The following IFT57 variants were observed in gnomAD, a reference collection of about 807,000 sequenced individuals.
IFT57 encodes intraflagellar transport protein 57 homolog.
Under a neutral mutation model 56.8 loss-of-function variants are expected in IFT57, and 59 were observed. That is an observed-to-expected ratio of 1.04 (90% CI 0.84 to 1.29). The LOEUF (loss-of-function observed/expected upper bound fraction) is 1.29, where lower values mean the gene tolerates loss of function less well. Among genes scored for constraint, IFT57 ranks in the 50% most tolerant of loss-of-function variants. The pLI is 0.00. For synonymous variants in IFT57, 209 were observed against 186.1 expected, an observed-to-expected ratio of 1.12 and a Z score of -1.00; for missense variants, 470 against 522.1, an observed-to-expected ratio of 0.90 and a Z score of 0.97.
intron 6 of IFT57, among the ~76,000 whole-genome samples, chr3:108,174,879 T>C (rs1049803534): frequency 2.6e-5 from 4 of 151,858 alleles, no homozygotes; most frequent in African/African-American, 9.7e-5. Context: ...AGATATGTAT[T>C]GTATGTGAAA....
At chr3:108,218,785 G>T in intron 2 of IFT57, 132 bp from the exon 3 acceptor site, 1 of 471,602 alleles carries the variant, frequency 2.1e-6, no homozygotes, top group Non-Finnish European at 3.8e-6. Flanking sequence ...TAATTACACT[G>T]CTTCATACAA....
At chr3:108,221,959 G>C in intron 1 of IFT57, 152 bp downstream of exon 1, 4 of 1,430,976 alleles carry the variant, frequency 2.8e-6, no homozygotes, top group Non-Finnish European at 3.7e-6. Flanking sequence ...GGACCTCCCG[G>C]GAGTTTGGGG....
chr3:108,163,631 C>T, intron 10 of IFT57, 32 bp downstream of exon 10: 2 of 1,492,056 alleles, frequency 1.3e-6, no homozygotes, highest in South Asian at 1.2e-5. Flanking sequence ...TTCTCTTGCT[C>T]AGTTTTTCCC....
chr3:108,161,837 G>A lies in IFT57; in HGVS notation c.*640C>T, dbSNP rs1365089238. On this transcript the variant is annotated 3_prime_UTR_variant, in exon 11 of 11. Transcript: ENST00000264538. ...TCATTCTAAGAACAGAGTCAAACAT[G>A]AGTGACTGACTTATCATCATTCATT... 6.6e-6 allele frequency: 1 copy of A among 152,144 alleles called. No homozygotes were observed. The highest frequency in any genetic ancestry group is 6.6e-5 in the Admixed American group (1 of 15,258). 9.4% of individuals were successfully genotyped at this position (152,144 alleles called of 1,614,324 possible). A position where few individuals can be genotyped will look rare whatever the true frequency, so the allele number is the denominator to read the frequency against.
chr3:108,165,592 T>C, intron 8 of IFT57, 99 bp from the exon 9 acceptor site: 1 of 851,576 alleles, frequency 1.2e-6, no homozygotes, highest in South Asian at 1.4e-5. Context: ...GGTCATTTTA[T>C]GACAACCCTG....
At chr3:108,211,831 C>T (rs76374571) in intron 4 of IFT57, among the ~76,000 whole-genome samples, 1 of 152,188 alleles carries the variant, frequency 6.6e-6, no homozygotes, top group African/African-American at 2.4e-5. Context: ...AATTCTCCTA[C>T]CCATAATTAA....
chr3:108,214,137 C>A, intron 3 of IFT57, 116 bp from the exon 4 acceptor site: 1 of 582,828 alleles, frequency 1.7e-6, no homozygotes, highest in South Asian at 2.6e-5. Flanking sequence ...ATTCCGCTTC[C>A]ATAATCACTG....
At chr3:108,188,567 A>G (rs2080197275) in intron 6 of IFT57, among the ~76,000 whole-genome samples, 1 of 152,208 alleles carries the variant, frequency 6.6e-6, no homozygotes. Context: ...AATGAAAAAA[A>G]CCTTTATCTG....
intron 5 of IFT57, among the ~76,000 whole-genome samples, chr3:108,193,571 A>T (rs1209987200): frequency 3.9e-5 from 6 of 152,212 alleles, no homozygotes; most frequent in Non-Finnish European, 5.9e-5. Context: ...TACTTTAAAC[A>T]TTTAAATATG....
At chr3:108,190,611 T>C (rs775149678) in intron 6 of IFT57, among the ~76,000 whole-genome samples, 1 of 152,238 alleles carries the variant, frequency 6.6e-6, no homozygotes, top group Non-Finnish European at 1.5e-5. Context: ...GAGTCAATTA[T>C]ACCTTTCCTT....
At position 108,161,028 on chromosome 3, in the gene IFT57, T is replaced by C. The variant is rs1659649411; in HGVS notation, c.*1449A>G. 1 of 152,176 alleles carries C rather than the reference T, an allele frequency of 6.6e-6. No homozygotes were observed. The highest frequency in any genetic ancestry group is 1.5e-5 in the Non-Finnish European group (1 of 68,028). 9.4% of individuals were successfully genotyped at this position (152,176 alleles called of 1,614,324 possible). A position where few individuals can be genotyped will look rare whatever the true frequency, so the allele number is the denominator to read the frequency against. ...TTGAAATGCATTTTAAGGAGAGTTC[T>C]GATTTATCTAAAAGCGTTCTCTGCA... is the stretch of plus-strand genomic sequence containing the variant. On this transcript the variant is annotated 3_prime_UTR_variant, in exon 11 of 11. Coordinates refer to ENST00000264538, the MANE Select transcript of IFT57 (RefSeq NM_018010.4).
intron 7 of IFT57, 178 bp from the exon 8 acceptor site, chr3:108,167,163 T>G (rs1236871276): frequency 1.8e-6 from 1 of 554,846 alleles, no homozygotes; most frequent in Non-Finnish European, 3.1e-6. Flanking sequence ...TTAACCACAC[T>G]TAGAAGAGTT....
At chr3:108,192,317 A>T (rs1374645947) in intron 5 of IFT57, among the ~76,000 whole-genome samples, 3 of 152,080 alleles carry the variant, frequency 2.0e-5, no homozygotes, top group African/African-American at 2.4e-5. Context: ...TTGAAGTGAT[A>T]ATTTATTAGG....
At chr3:108,165,855 AAATC>A (rs2080059610) in intron 8 of IFT57, among the ~76,000 whole-genome samples, 2 of 152,082 alleles carry the variant, frequency 1.3e-5, no homozygotes, top group South Asian at 4.1e-4. Flanking sequence ...CTAAAACCAA[AAATC>A]AATCAAAGTA....
At position 108,191,663 on chromosome 3, in the gene IFT57, A is replaced by G; in HGVS notation, c.655-20T>C. The G allele has an allele frequency of 6.3e-7, 1 of 1,586,392 alleles. No individual in the cohort carries two copies. ...CATATCCTAAGAAAGGAAAGATATC[A>G]CAAGATTGAGAGTTTATAAAAAGAA... On this transcript the variant is annotated intron_variant, in intron 5 of 10. Coordinates refer to ENST00000264538, the MANE Select transcript of IFT57 (RefSeq NM_018010.4).
chr3:108,173,766 CTGTGTGTGTGTGTGTGTGTGTG>C (rs59233165), intron 6 of IFT57, among the ~76,000 whole-genome samples: 3 of 124,670 alleles, frequency 2.4e-5, no homozygotes, highest in Non-Finnish European at 5.1e-5. Flanking sequence ...GTCAGGGACT[CTGTGTGTGTGTGTGTGTGTGTG>C]TGTGTGTGTG....
At chr3:108,167,524 GA>G (rs1418104146) in intron 7 of IFT57, among the ~76,000 whole-genome samples, 2 of 150,750 alleles carry the variant, frequency 1.3e-5, no homozygotes, top group African/African-American at 4.9e-5. Flanking sequence ...AGGAAAGGAT[GA>G]TGAAATGTTT....
chr3:108,184,979 A>C (rs761843924), intron 6 of IFT57, among the ~76,000 whole-genome samples: 2 of 152,146 alleles, frequency 1.3e-5, no homozygotes, highest in Non-Finnish European at 2.9e-5. Context: ...TACAATAAAG[A>C]GATGAATTGC....
At chr3:108,213,298 G>T (rs1289766) in intron 4 of IFT57, among the ~76,000 whole-genome samples, 131,186 of 151,788 alleles carry the variant, frequency 0.86, 57,893 homozygotes, top group Non-Finnish European at 0.97. Context: ...TATAAAGTTT[G>T]TTTTTTCCCC....
Sources: gnomAD v4.1 joint callset for allele counts (sites outside exome capture counted in the v4.1 genomes callset) on GRCh38, gnomAD v4.1.1 for gene constraint, MANE v1.5 for transcripts, NCBI Gene and HGNC (gene_info 2026-07-23, HGNC 2026-07-21) for gene names.